ADAMTS17: variants seen among roughly 807,000 people sequenced by gnomAD.
ADAMTS17 encodes ADAM metallopeptidase with thrombospondin type 1 motif 17.
A neutral mutation model predicts 141.5 loss-of-function variants in ADAMTS17; 113 were observed. That is an observed-to-expected ratio of 0.80 (90% CI 0.69 to 0.93). The LOEUF (loss-of-function observed/expected upper bound fraction) is 0.93. ADAMTS17 is among the 40% of genes least tolerant of loss of function. The pLI is 0.00. For synonymous variants in ADAMTS17, 768 were observed against 630.6 expected, an observed-to-expected ratio of 1.22 and a Z score of -3.27; for missense variants, 1,659 against 1,517.9, an observed-to-expected ratio of 1.09 and a Z score of -1.54.
intron 10 of ADAMTS17, among the ~76,000 whole-genome samples, chr15:100,143,799 C>G (rs949571784): frequency 2.0e-5 from 3 of 152,198 alleles, no homozygotes; most frequent in African/African-American, 7.2e-5. Context: ...ATATTTGAAG[C>G]CTAGACTGCT....
intron 8 of ADAMTS17, among the ~76,000 whole-genome samples, chr15:100,172,781 T>C (rs557151022): frequency 1.2e-4 from 19 of 152,368 alleles, no homozygotes; most frequent in Non-Finnish European, 2.1e-4. Flanking sequence ...CTTGTTCTGG[T>C]GTGCTCTCAC....
intron 14 of ADAMTS17, among the ~76,000 whole-genome samples, chr15:100,097,418 AG>A (rs1338753675): frequency 6.6e-6 from 1 of 152,208 alleles, no homozygotes; most frequent in African/African-American, 2.4e-5. Flanking sequence ...ATCCTGGTGG[AG>A]GTGAGTTAGC....
Position 100,031,656 on chromosome 15 carries a change from T to C in ADAMTS17, c.2591+17201A>G, listed in dbSNP as rs187042969. Among the ~76,000 whole-genome samples the C allele has an allele frequency of 1.3e-3, 198 of 152,354 alleles. 1 individual carries two copies. The highest frequency in any genetic ancestry group is 4.5e-3 in the African/African-American group (188 of 41,586). Reference sequence around the variant, plus strand: ...ATGCCACCGGAATGAAATCTCATTTTCGACATAATGCCGCTAACCATAGAG... The same window carrying C: ...ATGCCACCGGAATGAAATCTCATTTCCGACATAATGCCGCTAACCATAGAG... On this transcript the variant is annotated intron_variant, in intron 18 of 21. Transcript: ENST00000268070.
In ADAMTS17 at chr15:100,235,160, G is replaced by T. The variant is rs145856021; in HGVS notation, c.1075+18976C>A. ...TGCAGGAGGTGCTCGGGGAGAAACG[G>T]AAGGGAGAAATGGCCTTTATCAGAA... On this transcript the variant is annotated intron_variant, in intron 7 of 21. Coordinates refer to ENST00000268070, the MANE Select transcript of ADAMTS17 (RefSeq NM_139057.4). Among the ~76,000 whole-genome samples, 182 of 152,294 alleles carry T rather than the reference G, an allele frequency of 1.2e-3. 1 individual carries two copies. Among genetic ancestry groups the T allele is most frequent in the African/African-American group, 4.2e-3 (176 of 41,558 alleles).
intron 3 of ADAMTS17, 109 bp from the exon 4 acceptor site, chr15:100,281,510 A>G: frequency 7.2e-7 from 1 of 1,397,600 alleles, no homozygotes; most frequent in South Asian, 1.2e-5. Flanking sequence ...CAGTCTCGAC[A>G]GGCCTAGAGG....
intron 7 of ADAMTS17, among the ~76,000 whole-genome samples, chr15:100,214,802 T>C (rs62036191): frequency 0.15 from 22,272 of 152,234 alleles, 1,847 homozygotes; most frequent in East Asian, 0.28. Context: ...CAATTCCAAA[T>C]ACGCACAAGC....
At chr15:100,315,579 T>C (rs537197803) in intron 3 of ADAMTS17, among the ~76,000 whole-genome samples, 9 of 152,278 alleles carry the variant, frequency 5.9e-5, no homozygotes, top group Middle Eastern at 3.4e-3. Flanking sequence ...CTCACACCTA[T>C]AATCCCAGCA....
rs2060279638 is a variant in ADAMTS17, at chr15:99,974,520, T to C, written c.3170A>G (p.Tyr1057Cys). ...YKCTRDQWTV[Y>C]CRVIREKNLC... ...GTTCTTTTCTCGGATGACCCGGCAATATACCGTCCACTGGTCTCGTGTGCA... is the reference window on the plus strand; with the variant it reads ...GTTCTTTTCTCGGATGACCCGGCAACATACCGTCCACTGGTCTCGTGTGCA... The change falls in exon 22 of 22, where the codon TAT (tyrosine) becomes TGT (cysteine). Residue 1057 changes from tyrosine to cysteine, a missense_variant. Tyr to Cys is a radical substitution (Grantham distance 194). Coordinates refer to ENST00000268070, the MANE Select transcript of ADAMTS17 (RefSeq NM_139057.4). 13 of 1,614,098 alleles carry C rather than the reference T, an allele frequency of 8.1e-6. No homozygotes were observed. Among genetic ancestry groups the C allele is most frequent in the Non-Finnish European group, 1.1e-5 (13 of 1,180,050 alleles).
At chr15:100,035,638 G>A (rs894058402) in intron 18 of ADAMTS17, among the ~76,000 whole-genome samples, 3 of 152,198 alleles carry the variant, frequency 2.0e-5, no homozygotes, top group Non-Finnish European at 4.4e-5. Flanking sequence ...GCCGAGTCTC[G>A]GGGCTAGCTT....
intron 10 of ADAMTS17, among the ~76,000 whole-genome samples, chr15:100,142,301 GC>G (rs1483053693): frequency 2.0e-5 from 3 of 152,172 alleles, no homozygotes; most frequent in Non-Finnish European, 2.9e-5. Flanking sequence ...AAGGAGAAAA[GC>G]CTGGAGACTG....
At chr15:100,151,914 G>T (rs1170764577) in intron 10 of ADAMTS17, among the ~76,000 whole-genome samples, 1 of 152,210 alleles carries the variant, frequency 6.6e-6, no homozygotes, top group Non-Finnish European at 1.5e-5. Flanking sequence ...GCAATCAGGG[G>T]TGAATGAGAC....
At chr15:99,983,097 C>T (rs1210866829) in intron 20 of ADAMTS17, among the ~76,000 whole-genome samples, 1 of 152,150 alleles carries the variant, frequency 6.6e-6, no homozygotes, top group Non-Finnish European at 1.5e-5. Flanking sequence ...GTTCCCCAGA[C>T]CAGCGTGATA....
intron 18 of ADAMTS17, among the ~76,000 whole-genome samples, chr15:100,029,162 T>C (rs2029886959): frequency 6.6e-6 from 1 of 152,130 alleles, no homozygotes; most frequent in African/African-American, 2.4e-5. Context: ...TCTTGTTGGG[T>C]CAGTTGTGAT....
intron 8 of ADAMTS17, among the ~76,000 whole-genome samples, chr15:100,170,399 A>G (rs995415033): frequency 1.3e-5 from 2 of 152,154 alleles, no homozygotes; most frequent in Non-Finnish European, 2.9e-5. Context: ...ACGGCCTCAC[A>G]GCCAGCCGCG....
chr15:100,216,735 G>C (rs2041979865), intron 7 of ADAMTS17, among the ~76,000 whole-genome samples: 1 of 152,172 alleles, frequency 6.6e-6, no homozygotes, highest in African/African-American at 2.4e-5. Flanking sequence ...ACCTTGGTTA[G>C]GTCCTGACGT....
intron 15 of ADAMTS17, among the ~76,000 whole-genome samples, chr15:100,065,702 C>A (rs114262989): frequency 0.014 from 2,079 of 152,178 alleles, 48 homozygotes; most frequent in African/African-American, 0.046. Flanking sequence ...AGGTTAGGGA[C>A]ATTCTCTTGT....
chr15:100,051,714 G>GAAT lies in ADAMTS17; in HGVS notation c.2312_2313insATT (p.Asp771delinsGluPhe). 1 of 1,614,174 alleles carries GAAT rather than the reference G, an allele frequency of 6.2e-7. No individual in the cohort carries two copies. Among genetic ancestry groups the GAAT allele is most frequent in the Non-Finnish European group, 8.5e-7 (1 of 1,180,030 alleles). On this transcript the variant is annotated protein_altering_variant, in exon 17 of 22. Transcript: ENST00000268070. ...ATTCATAATGAATTCCATAATCTTGGTCGTGAAATAACAACACCTGGATCA... is the reference window on the plus strand; with the variant it reads ...ATTCATAATGAATTCCATAATCTTGGAATTCGTGAAATAACAACACCTGGATCA...
At chr15:100,216,652 C>T (rs1316964901) in intron 7 of ADAMTS17, among the ~76,000 whole-genome samples, 1 of 152,178 alleles carries the variant, frequency 6.6e-6, no homozygotes, top group Non-Finnish European at 1.5e-5. Context: ...TTTCCCGATG[C>T]TGACACCTAT....
At chr15:100,231,265 C>T (rs2042472516) in intron 7 of ADAMTS17, among the ~76,000 whole-genome samples, 1 of 152,248 alleles carries the variant, frequency 6.6e-6, no homozygotes, top group South Asian at 2.1e-4. Context: ...GGCACAACTA[C>T]TTATCAGATA....
Sources: allele counts gnomAD v4.1 joint callset (sites outside exome capture counted in the v4.1 genomes callset), GRCh38; gene constraint gnomAD v4.1.1; transcripts MANE v1.5; gene names NCBI Gene and HGNC (gene_info 2026-07-23, HGNC 2026-07-21).